SGK3: variants seen among roughly 807,000 people sequenced by gnomAD.
SGK3 encodes the protein serum/glucocorticoid regulated kinase family member 3.
SGK3 carries 47 observed loss-of-function variants against 68.5 expected under a neutral mutation model. The ratio of observed to expected loss-of-function variants is 0.69; its 90% CI spans 0.54 to 0.87. The LOEUF (loss-of-function observed/expected upper bound fraction) is 0.87. Ranked by LOEUF, SGK3 falls within the 40% of genes least tolerant of loss-of-function variation. SGK3 has a pLI of 0.00. For missense variants in SGK3, 479 were observed against 575.5 expected, an observed-to-expected ratio of 0.83 and a Z score of 1.72; for synonymous variants, 181 against 189.1, an observed-to-expected ratio of 0.96 and a Z score of 0.35.
At chr8:66,735,268 A>G (rs1460643611) in intron 1 of SGK3, among the ~76,000 whole-genome samples, 3 of 152,188 alleles carry the variant, frequency 2.0e-5, no homozygotes, top group African/African-American at 7.2e-5. Flanking sequence ...GAAAAGTGGA[A>G]AACAAGTTGC....
At chr8:66,822,144 T>A (rs1405489826) in intron 5 of SGK3, among the ~76,000 whole-genome samples, 3 of 152,114 alleles carry the variant, frequency 2.0e-5, no homozygotes, top group Non-Finnish European at 4.4e-5. Flanking sequence ...GGGTTTTCTT[T>A]TCCATGAACT....
chr8:66,765,255 T>C (rs745983126), intron 1 of SGK3, among the ~76,000 whole-genome samples: 6 of 152,226 alleles, frequency 3.9e-5, no homozygotes, highest in Non-Finnish European at 1.5e-5. Context: ...GCCATCCTAG[T>C]GAGTGTGAAT....
chr8:66,816,372 G>A (rs1301149714), intron 5 of SGK3, among the ~76,000 whole-genome samples: 2 of 139,744 alleles, frequency 1.4e-5, no homozygotes, highest in Non-Finnish European at 3.0e-5. Context: ...GTGAGACGGA[G>A]TCTTGCTCTG....
chr8:66,779,066 A>T (rs1472462884), intron 1 of SGK3, among the ~76,000 whole-genome samples: 1 of 151,916 alleles, frequency 6.6e-6, no homozygotes, highest in Non-Finnish European at 1.5e-5. Flanking sequence ...TCATTGTTTA[A>T]TCTTAAAAAA....
chr8:66,719,271 A>T (rs923979710), intron 1 of SGK3, among the ~76,000 whole-genome samples: 20 of 151,130 alleles, frequency 1.3e-4, no homozygotes, highest in South Asian at 6.3e-4. Flanking sequence ...TTTTTTTTTT[A>T]AATGGGGATT....
At chr8:66,829,394 G>GA (rs1809207158) in intron 7 of SGK3, among the ~76,000 whole-genome samples, 1 of 152,130 alleles carries the variant, frequency 6.6e-6, no homozygotes, top group African/African-American at 2.4e-5. Flanking sequence ...GCAGATGGGA[G>GA]AAGTGGTCCA....
chr8:66,842,924 A>G (rs1809854791), intron 13 of SGK3, among the ~76,000 whole-genome samples: 1 of 152,008 alleles, frequency 6.6e-6, no homozygotes, highest in South Asian at 2.1e-4. Flanking sequence ...ACGAAAAACT[A>G]TCCAGGTGTG....
chr8:66,752,524 G>A (rs1214540174), intron 1 of SGK3, among the ~76,000 whole-genome samples: 1 of 152,122 alleles, frequency 6.6e-6, no homozygotes, highest in Admixed American at 6.6e-5. Context: ...GTCAGAGAAG[G>A]CTTCAGGGAG....
At position 66,792,896 on chromosome 8, in the gene SGK3, A is replaced by G. The variant is rs577529520; in HGVS notation, c.-121-720A>G. 2.6e-5 allele frequency among the ~76,000 whole-genome samples: 4 copies of G among 152,300 alleles called. No homozygotes were observed. The East Asian group carries it at 7.7e-4, about 29-fold the overall frequency. ...GCCACTGCATTCTAGCCTGGGCAAC[A>G]TAGCAACACCCTGTCTCTAAAAGAA... On this transcript the variant is annotated intron_variant, in intron 1 of 16. Transcript: ENST00000521198.
At chr8:66,788,464 A>C (rs569657499) in intron 1 of SGK3, among the ~76,000 whole-genome samples, 1 of 152,310 alleles carries the variant, frequency 6.6e-6, no homozygotes, top group Non-Finnish European at 1.5e-5. Flanking sequence ...TGCTTGTTAG[A>C]GAGAGGGGTC....
chr8:66,844,814 G>A (rs780265827), intron 14 of SGK3, among the ~76,000 whole-genome samples: 9 of 152,148 alleles, frequency 5.9e-5, no homozygotes, highest in East Asian at 1.9e-4. Context: ...TGCTAGTTTC[G>A]AATGATAGAT....
intron 1 of SGK3, among the ~76,000 whole-genome samples, chr8:66,781,049 C>G (rs923859126): frequency 6.6e-6 from 1 of 152,118 alleles, no homozygotes. Context: ...GACCGCAGGC[C>G]CCATCCATCT....
rs1167879860 is a variant in SGK3, at chr8:66,723,152, T to G, written c.-122+10319T>G. On this transcript the variant is annotated intron_variant, in intron 1 of 16. Coordinates refer to ENST00000521198, the MANE Select transcript of SGK3 (RefSeq NM_001033578.3). ...ATATATTTTTTTTTTTTTTTTTTTT[T>G]GTAAAAGGGTCGGCTGGGCACAGCG... Among the ~76,000 whole-genome samples the G allele has an allele frequency of 3.6e-5, 4 of 112,042 alleles. No homozygotes were observed. In the East Asian group the frequency reaches 7.3e-4, roughly 21 times the overall value. The allele number at this position is 112,042 out of a possible 152,430, so 73.5% of individuals were successfully genotyped here.
At chr8:66,793,160 GC>G (rs1807534610) in intron 1 of SGK3, among the ~76,000 whole-genome samples, 1 of 152,168 alleles carries the variant, frequency 6.6e-6, no homozygotes, top group African/African-American at 2.4e-5. Flanking sequence ...GAGTCAGATG[GC>G]CTGGGTTCAA....
At chr8:66,734,228 C>CTTTCTTTT (rs1805248641) in intron 1 of SGK3, among the ~76,000 whole-genome samples, 3 of 104,228 alleles carry the variant, frequency 2.9e-5, no homozygotes, top group African/African-American at 3.4e-5. Context: ...CTTTTTCTTT[C>CTTTCTTTT]TTTTTTTTTT....
Position 66,850,926 on chromosome 8 carries a change from T to C in SGK3, c.1320+6T>C. 1 of 1,604,460 alleles carries C rather than the reference T, an allele frequency of 6.2e-7. No individual in the cohort carries two copies. The highest frequency in any genetic ancestry group is 8.5e-7 in the Non-Finnish European group (1 of 1,175,072). ...CACCATTTAATCCTAATGTGGTAAG[T>C]ATATATCCAAATCTTTCTTTCTAGA... is the stretch of plus-strand genomic sequence containing the variant. On this transcript the variant is annotated splice_donor_region_variant and intron_variant, in intron 16 of 16. Transcript: ENST00000521198.
At chr8:66,743,503 A>G (rs1249036008) in intron 1 of SGK3, among the ~76,000 whole-genome samples, 1 of 152,146 alleles carries the variant, frequency 6.6e-6, no homozygotes, top group South Asian at 2.1e-4. Context: ...TCCTTTGTCC[A>G]CTATGTTCAT....
intron 14 of SGK3, among the ~76,000 whole-genome samples, chr8:66,845,462 A>C (rs1809970558): frequency 6.6e-6 from 1 of 152,328 alleles, no homozygotes; most frequent in South Asian, 2.1e-4. Context: ...TCCTACACAA[A>C]GGAAAGGAAA....
chr8:66,716,324 T>C (rs1357487977), intron 1 of SGK3, among the ~76,000 whole-genome samples: 1 of 152,118 alleles, frequency 6.6e-6, no homozygotes, highest in Non-Finnish European at 1.5e-5. Context: ...AGGAAGACAA[T>C]GTGGAAATCA....
Sources: gnomAD v4.1 joint callset for allele counts (sites outside exome capture counted in the v4.1 genomes callset) on GRCh38, gnomAD v4.1.1 for gene constraint, MANE v1.5 for transcripts, NCBI Gene and HGNC (gene_info 2026-07-23, HGNC 2026-07-21) for gene names.